DOCK2: variants seen among roughly 807,000 people sequenced by gnomAD.
DOCK2 encodes the protein dedicator of cytokinesis 2.
DOCK2 carries 87 observed loss-of-function variants against 248.9 expected under a neutral mutation model. That is an observed-to-expected ratio of 0.35 (90% CI 0.29 to 0.42). DOCK2 has a LOEUF of 0.42. Among genes scored for constraint, DOCK2 ranks in the 10% least tolerant of loss-of-function variants. The probability of loss-of-function intolerance (pLI) is 1.00; values close to 1 mark genes in which losing one functional copy is unlikely to be tolerated. For missense variants in DOCK2, 1,747 were observed against 2,300.2 expected (o/e 0.76, Z 4.92); for synonymous variants, 805 against 821.6 (o/e 0.98, Z 0.35).
At chr5:170,027,565 T>C (rs1755961877) in intron 33 of DOCK2, among the ~76,000 whole-genome samples, 1 of 152,168 alleles carries the variant, frequency 6.6e-6, no homozygotes, top group Non-Finnish European at 1.5e-5. Flanking sequence ...TCAAATAACA[T>C]GAGTTGTGAA....
intron 35 of DOCK2, among the ~76,000 whole-genome samples, chr5:170,035,017 A>T (rs1053519837): frequency 6.6e-6 from 1 of 152,224 alleles, no homozygotes; most frequent in East Asian, 1.9e-4. Context: ...TTAAATGCTC[A>T]CTACGTATTA....
intron 3 of DOCK2, among the ~76,000 whole-genome samples, chr5:169,670,262 T>A (rs1561584513): frequency 6.6e-6 from 1 of 152,154 alleles, no homozygotes; most frequent in Non-Finnish European, 1.5e-5. Flanking sequence ...GTGGCCATAA[T>A]GGGTTGGAGC....
chr5:169,776,067 A>C (rs1765366086), intron 25 of DOCK2, among the ~76,000 whole-genome samples: 1 of 151,720 alleles, frequency 6.6e-6, no homozygotes, highest in African/African-American at 2.4e-5. Context: ...AATGTCCATG[A>C]TCTCACGATT....
chr5:169,975,853 TC>T (rs1334369477), intron 27 of DOCK2, among the ~76,000 whole-genome samples: 5 of 152,194 alleles, frequency 3.3e-5, no homozygotes, highest in African/African-American at 7.2e-5. Flanking sequence ...CTCAGCTGTA[TC>T]CCCAGCATCT....
intron 27 of DOCK2, among the ~76,000 whole-genome samples, chr5:169,956,094 G>T (rs1776855581): frequency 6.6e-6 from 1 of 151,528 alleles, no homozygotes; most frequent in African/African-American, 2.4e-5. Context: ...TATCTTCCTG[G>T]CTTTGCCACA....
At chr5:169,944,835 C>T (rs942495976) in intron 27 of DOCK2, among the ~76,000 whole-genome samples, 1 of 152,200 alleles carries the variant, frequency 6.6e-6, no homozygotes, top group African/African-American at 2.4e-5. Flanking sequence ...GAACAGCCTT[C>T]CTCCTCCATC....
At chr5:169,794,553 C>T (rs261608) in intron 25 of DOCK2, among the ~76,000 whole-genome samples, 3,173 of 152,070 alleles carry the variant, frequency 0.021, 131 homozygotes, top group African/African-American at 0.073. Context: ...TATTGCATGT[C>T]GACTCTCAGA....
intron 27 of DOCK2, among the ~76,000 whole-genome samples, chr5:169,970,573 G>T (rs1229801202): frequency 2.0e-5 from 3 of 152,172 alleles, no homozygotes; most frequent in African/African-American, 7.2e-5. Flanking sequence ...CTGGTCCATG[G>T]TTTCCCCATC....
chr5:169,792,621 C>G (rs1280752370), intron 25 of DOCK2, among the ~76,000 whole-genome samples: 1 of 151,976 alleles, frequency 6.6e-6, no homozygotes, highest in Non-Finnish European at 1.5e-5. Flanking sequence ...AGGAATCCTT[C>G]TTTAAAGACT....
chr5:170,012,211 A>G (rs909639690), intron 32 of DOCK2, among the ~76,000 whole-genome samples: 1 of 152,196 alleles, frequency 6.6e-6, no homozygotes, highest in Admixed American at 6.5e-5. Flanking sequence ...AAGGGTGTGA[A>G]ATGACCAACG....
chr5:169,925,533 T>C (rs1184002615), intron 27 of DOCK2, among the ~76,000 whole-genome samples: 1 of 129,018 alleles, frequency 7.8e-6, no homozygotes, highest in Admixed American at 9.7e-5. Flanking sequence ...TGAGCTAAGA[T>C]CAGGCCACTG....
In DOCK2 at chr5:169,637,299, C is replaced by G; in HGVS notation, c.-28C>G. The G allele has an allele frequency of 7.0e-7, 1 of 1,429,266 alleles. No individual in the cohort carries two copies. Among genetic ancestry groups the G allele is most frequent in the Non-Finnish European group, 9.1e-7 (1 of 1,095,156 alleles). 88.5% of individuals were successfully genotyped at this position (1,429,266 alleles called of 1,614,324 possible). ...CAGCCACCCCCTGACGGCTTCCCCA[C>G]GGGAGGACGCGAGGCCCCGGCCCAG... On this transcript the variant is annotated 5_prime_UTR_variant, in exon 1 of 52. Coordinates refer to ENST00000520908, the MANE Select transcript of DOCK2 (RefSeq NM_004946.3).
intron 23 of DOCK2, among the ~76,000 whole-genome samples, chr5:169,754,911 C>T (rs1390728469): frequency 2.0e-5 from 1 of 51,018 alleles, no homozygotes; most frequent in Admixed American, 2.0e-4. Flanking sequence ...ATAATGGTTC[C>T]TATTTTTTAT....
At chr5:169,768,776 CTCATAGTGGGGCTG>C (rs1052283191) in intron 25 of DOCK2, among the ~76,000 whole-genome samples, 44 of 152,322 alleles carry the variant, frequency 2.9e-4, no homozygotes, top group Non-Finnish European at 5.1e-4. Context: ...GTGCTCTAGC[CTCATAGTGGGGCTG>C]TCATCTCTCT....
At chr5:169,880,436 G>T (rs775439010) in intron 27 of DOCK2, among the ~76,000 whole-genome samples, 76 of 152,212 alleles carry the variant, frequency 5.0e-4, no homozygotes, top group Non-Finnish European at 9.3e-4. Context: ...GCCCTAAGCT[G>T]CCAGTTTTCA....
intron 27 of DOCK2, among the ~76,000 whole-genome samples, chr5:169,899,266 C>T (rs1007226044): frequency 2.0e-5 from 3 of 152,162 alleles, no homozygotes; most frequent in Non-Finnish European, 4.4e-5. Flanking sequence ...GACAGTATGG[C>T]TCATTAGGAA....
chr5:169,978,778 A>G (rs1322857563), intron 27 of DOCK2, among the ~76,000 whole-genome samples: 2 of 152,062 alleles, frequency 1.3e-5, no homozygotes, highest in Non-Finnish European at 2.9e-5. Context: ...AAGCCCTGCC[A>G]CTCAAGGTGT....
chr5:169,710,715 C>A (rs11134587), intron 15 of DOCK2, among the ~76,000 whole-genome samples: 1 of 152,010 alleles, frequency 6.6e-6, no homozygotes, highest in Non-Finnish European at 1.5e-5. Flanking sequence ...CAAACCCCAG[C>A]GGTTCTCCAC....
intron 29 of DOCK2, among the ~76,000 whole-genome samples, chr5:169,994,504 G>A (rs895958801): frequency 6.6e-6 from 1 of 152,146 alleles, no homozygotes. Context: ...GCTCATAGGA[G>A]GGGTGCCAGA....
Sources: allele counts gnomAD v4.1 joint callset (sites outside exome capture counted in the v4.1 genomes callset), GRCh38; gene constraint gnomAD v4.1.1; transcripts MANE v1.5; gene names NCBI Gene and HGNC (gene_info 2026-07-23, HGNC 2026-07-21).